The following ECE1 variants were observed in gnomAD, a reference collection of about 807,000 sequenced individuals.
ECE1 encodes the protein endothelin-converting enzyme 1.
Under a neutral mutation model 98.6 loss-of-function variants are expected in ECE1, and 35 were observed. That is an observed-to-expected ratio of 0.35 (90% CI 0.27 to 0.47). The LOEUF (loss-of-function observed/expected upper bound fraction) is 0.47. Among genes scored for constraint, ECE1 ranks in the 20% least tolerant of loss-of-function variants. ECE1 has a pLI of 1.00. For missense variants in ECE1, 814 were observed against 1,025.3 expected (o/e 0.79, Z 2.81); for synonymous variants, 394 against 407.1 (o/e 0.97, Z 0.39).
Position 21,238,175 on chromosome 1 carries a change from T to A in ECE1, c.1348A>T (p.Met450Leu). 1 of 1,614,236 alleles carries A rather than the reference T, an allele frequency of 6.2e-7. No individual in the cohort carries two copies. The highest frequency in any genetic ancestry group is 1.1e-5 in the South Asian group (1 of 91,090). The change falls in exon 11 of 19, where the codon ATG (methionine) becomes TTG (leucine). Residue 450 changes from methionine to leucine, a missense_variant. Met to Leu is a conservative substitution (Grantham distance 15). Coordinates refer to ENST00000374893, the MANE Select transcript of ECE1 (RefSeq NM_001397.3). ...ENNLGFALGP[M>L]FVKATFAEDS... ...TCGGCGAAGGTTGCTTTGACAAACA[T>A]GGGGCCCAACGCAAAGCCCAGGTTG...
At chr1:21,332,856 C>T (rs965586143) in intron 1 of ECE1, among the ~76,000 whole-genome samples, 3 of 142,316 alleles carry the variant, frequency 2.1e-5, no homozygotes, top group Non-Finnish European at 4.6e-5. Context: ...GTGGGGTGGG[C>T]GGATGGTGAA....
chr1:21,276,627 G>A (rs28367949), intron 3 of ECE1, among the ~76,000 whole-genome samples: 4,191 of 151,774 alleles, frequency 0.028, 101 homozygotes, highest in Non-Finnish European at 0.04. Context: ...AAGTAAACAC[G>A]TACTATGTGT....
In ECE1 at chr1:21,260,530, G is replaced by T. The variant is rs2098225421; in HGVS notation, c.494-138C>A. On this transcript the variant is annotated intron_variant, in intron 4 of 18. Coordinates refer to ENST00000374893, the MANE Select transcript of ECE1 (RefSeq NM_001397.3). This position sits in a 1 kb window ranked among gnomAD's most constrained non-coding sequence, Gnocchi z 4.3. ...CATCTGCCTGTCGGAGTGGCAGTGA[G>T]GAATGCCGTCACCGTGAGTATGTGA... is the stretch of plus-strand genomic sequence containing the variant. 1.7e-6 allele frequency: 2 copies of T among 1,156,862 alleles called. No homozygotes were observed. The highest frequency in any genetic ancestry group is 3.6e-5 in the Admixed American group (2 of 55,490). 71.7% of individuals were successfully genotyped at this position (1,156,862 alleles called of 1,614,324 possible). A position where few individuals can be genotyped will look rare whatever the true frequency, so the allele number is the denominator to read the frequency against.
At chr1:21,308,141 C>T (rs1433048422) in intron 1 of ECE1, among the ~76,000 whole-genome samples, 1 of 152,202 alleles carries the variant, frequency 6.6e-6, no homozygotes, top group African/African-American at 2.4e-5. Flanking sequence ...CTGTTTCCTC[C>T]ACCTGGTAAA....
At chr1:21,243,223 G>A (rs191036362) in intron 10 of ECE1, among the ~76,000 whole-genome samples, 5 of 152,150 alleles carry the variant, frequency 3.3e-5, no homozygotes, top group East Asian at 1.9e-4. Flanking sequence ...GGATAACAGC[G>A]GTAGTAGGAA....
intron 1 of ECE1, among the ~76,000 whole-genome samples, chr1:21,318,870 A>AGAGG (rs1195757777): frequency 1.3e-5 from 2 of 152,216 alleles, no homozygotes; most frequent in Non-Finnish European, 2.9e-5. Context: ...GGAGACGCTG[A>AGAGG]GCGAGGGTCA....
At chr1:21,342,408 A>G (rs1332340649) in intron 1 of ECE1, among the ~76,000 whole-genome samples, 1 of 152,162 alleles carries the variant, frequency 6.6e-6, no homozygotes, top group African/African-American at 2.4e-5. Context: ...GGCAGGAGAC[A>G]TAAAAAGCCT....
At chr1:21,232,535 A>G (rs1296206271) in intron 14 of ECE1, among the ~76,000 whole-genome samples, 1 of 152,078 alleles carries the variant, frequency 6.6e-6, no homozygotes, top group East Asian at 1.9e-4. Flanking sequence ...CTTAGGCTCA[A>G]GCGATCTGCC....
In ECE1 at chr1:21,249,806, C is replaced by T. The variant is rs149236479; in HGVS notation, c.1021-2443G>A. Among the ~76,000 whole-genome samples the T allele has an allele frequency of 5.7e-4, 87 of 152,274 alleles. 1 individual carries two copies. The highest frequency in any genetic ancestry group is 1.9e-3 in the African/African-American group (78 of 41,540). On this transcript the variant is annotated intron_variant, in intron 8 of 18. Transcript: ENST00000374893. ...TATTTTGTTTTGAGACACAGTCTCA[C>T]TCTGTTGCCCACGCTGGAGTGCAGT...
At position 21,229,239 on chromosome 1, in the gene ECE1, G is replaced by A. The variant is rs115422939; in HGVS notation, c.1671-1198C>T. Among the ~76,000 whole-genome samples the A allele has an allele frequency of 8.6e-3, 1,302 of 151,664 alleles. 18 individuals are homozygous for A. The highest frequency in any genetic ancestry group is 0.03 in the African/African-American group (1,231 of 41,320). On this transcript the variant is annotated intron_variant, in intron 14 of 18. Coordinates refer to ENST00000374893, the MANE Select transcript of ECE1 (RefSeq NM_001397.3). ...TGTTGTGACACCCAGGTTAGAGTGCGGTGGCATGATCATGGCTCCCTACAG... is the reference window on the plus strand; with the variant it reads ...TGTTGTGACACCCAGGTTAGAGTGCAGTGGCATGATCATGGCTCCCTACAG...
chr1:21,247,489 G>C, intron 8 of ECE1, 126 bp from the exon 9 acceptor site: 1 of 1,407,650 alleles, frequency 7.1e-7, no homozygotes, highest in Non-Finnish European at 9.9e-7. Context: ...CAGCGCACCG[G>C]GCAGAGAGTC....
At position 21,248,844 on chromosome 1, in the gene ECE1, C is replaced by A. The variant is rs545334538; in HGVS notation, c.1021-1481G>T. ...TTCACCATGTTGGTCAGGCTGGTCT[C>A]GAACTCCTGACCTCATGATCTGCCT... On this transcript the variant is annotated intron_variant, in intron 8 of 18. Coordinates refer to ENST00000374893, the MANE Select transcript of ECE1 (RefSeq NM_001397.3). Among the ~76,000 whole-genome samples the A allele has an allele frequency of 6.6e-5, 10 of 150,600 alleles. No homozygotes were observed. In the East Asian group the frequency reaches 1.4e-3, roughly 22 times the overall value.
Position 21,224,036 on chromosome 1 carries a change from C to G in ECE1, c.2040+1214G>C, listed in dbSNP as rs368293864. 5.9e-5 allele frequency among the ~76,000 whole-genome samples: 9 copies of G among 152,234 alleles called. 1 individual carries two copies. In the South Asian group the frequency reaches 1.9e-3, roughly 32 times the overall value. On this transcript the variant is annotated intron_variant, in intron 17 of 18. Transcript: ENST00000374893. ...CGACAGAAGCCTGGAGTGGTCTGGT[C>G]CCCGCATTCCCTACACTCTGCCCTG... is the stretch of plus-strand genomic sequence containing the variant.
intron 14 of ECE1, among the ~76,000 whole-genome samples, chr1:21,230,602 T>C (rs1334785565): frequency 6.6e-6 from 1 of 151,960 alleles, no homozygotes; most frequent in Non-Finnish European, 1.5e-5. Context: ...TGGCAATGCT[T>C]GTCTTGAACT....
Position 21,345,272 on chromosome 1 carries a change from G to GC in ECE1, c.3+103dup. The GC allele has an allele frequency of 6.6e-6, 8 of 1,213,814 alleles. No homozygotes were observed. Among genetic ancestry groups the GC allele is most frequent in the Middle Eastern group, 6.6e-4 (2 of 3,036 alleles). The allele number at this position is 1,213,814 out of a possible 1,614,324, so 75.2% of individuals were successfully genotyped here. A position where few individuals can be genotyped will look rare whatever the true frequency, so the allele number is the denominator to read the frequency against. On this transcript the variant is annotated intron_variant, in intron 1 of 18. Transcript: ENST00000415912. The surrounding 1 kb of genome is among the most constrained non-coding windows in gnomAD (Gnocchi z 5.1). Reference sequence around the variant, plus strand: ...GGGCTGCTGCTGCAGCCGGCGCCCAGCCCCCCGCGAGCCAGGGCGGCCCCG... The same window carrying GC: ...GGGCTGCTGCTGCAGCCGGCGCCCAGCCCCCCCGCGAGCCAGGGCGGCCCCG...
Position 21,227,219 on chromosome 1 carries a change from T to C in ECE1, c.1789A>G (p.Asn597Asp), listed in dbSNP as rs1415785881. The C allele has an allele frequency of 6.2e-7, 1 of 1,614,088 alleles. No individual in the cohort carries two copies. The highest frequency in any genetic ancestry group is 1.7e-5 in the Admixed American group (1 of 60,018). Reference protein sequence around the residue: ...FYTRSSPKALNFGGIGVVVGH... With the variant: ...FYTRSSPKALDFGGIGVVVGH... Reference sequence around the variant, plus strand: ...ACGACGACACCTATGCCACCAAAGTTTAAGGCCCTGGAGGGAAAGACACAA... The same window carrying C: ...ACGACGACACCTATGCCACCAAAGTCTAAGGCCCTGGAGGGAAAGACACAA... Residue 597 changes from asparagine (N) to aspartate (D), a missense_variant, in exon 16 of 19, where the codon AAC (asparagine) becomes GAC (aspartate). Asn to Asp is a conservative substitution (Grantham distance 23, BLOSUM62 1). Coordinates refer to ENST00000374893, the MANE Select transcript of ECE1 (RefSeq NM_001397.3).
At chr1:21,315,232 C>T (rs1445896267) in intron 1 of ECE1, among the ~76,000 whole-genome samples, 1 of 152,158 alleles carries the variant, frequency 6.6e-6, no homozygotes, top group Non-Finnish European at 1.5e-5. Context: ...GTAATTTGAG[C>T]CCAGGTCTGC....
chr1:21,315,844 C>T (rs1356637395), intron 1 of ECE1, among the ~76,000 whole-genome samples: 1 of 147,906 alleles, frequency 6.8e-6, no homozygotes, highest in African/African-American at 2.5e-5. Context: ...TTCTAGGATT[C>T]TAGGGCTCTA....
intron 1 of ECE1, chr1:21,344,891 C>A (rs1456452355): frequency 6.5e-6 from 1 of 153,032 alleles, no homozygotes; most frequent in Non-Finnish European, 1.5e-5. Flanking sequence ...TCCGAATGCG[C>A]CGGGCGTGGC....
Sources: allele counts gnomAD v4.1 joint callset (sites outside exome capture counted in the v4.1 genomes callset), GRCh38; gene constraint gnomAD v4.1.1; non-coding constraint Gnocchi (gnomAD v3.1); transcripts MANE v1.5; gene names NCBI Gene and HGNC (gene_info 2026-07-23, HGNC 2026-07-21).